The following GAS7 variants were observed in gnomAD, a reference collection of about 807,000 sequenced individuals.
GAS7 encodes the protein growth arrest specific 7.
Under a neutral mutation model 71.1 loss-of-function variants are expected in GAS7, and 28 were observed. The ratio of observed to expected loss-of-function variants is 0.39; its 90% CI spans 0.29 to 0.54. The LOEUF (loss-of-function observed/expected upper bound fraction) is 0.54, where lower values mean the gene tolerates loss of function less well. Ranked by LOEUF, GAS7 falls within the 20% of genes least tolerant of loss-of-function variation. The pLI is 0.62. For missense variants in GAS7, 436 were observed against 627.8 expected, an observed-to-expected ratio of 0.69 and a Z score of 3.27; for synonymous variants, 258 against 245.8, an observed-to-expected ratio of 1.05 and a Z score of -0.46.
intron 2 of GAS7, among the ~76,000 whole-genome samples, chr17:9,999,227 T>C (rs2071165031): frequency 6.6e-6 from 1 of 152,134 alleles, no homozygotes; most frequent in Admixed American, 6.5e-5. Context: ...GTGTATAAAT[T>C]ATGCTAAAGG....
rs761474483 is a variant in GAS7 at position 9,918,147 on chromosome 17, T to C, written c.1219-48A>G. Reference sequence around the variant, plus strand: ...AGAACTCTGAGCACGTCCCCTCCACTTGGGGGTCCCCCCACCAAGACCACA... The same window carrying C: ...AGAACTCTGAGCACGTCCCCTCCACCTGGGGGTCCCCCCACCAAGACCACA... On this transcript the variant is annotated intron_variant, in intron 12 of 13. Transcript: ENST00000432992. The C allele has an allele frequency of 1.4e-5, 19 of 1,378,778 alleles. No individual in the cohort carries two copies. In the Admixed American group the frequency reaches 3.3e-4, roughly 24 times the overall value. The allele number at this position is 1,378,778 out of a possible 1,614,324, so 85.4% of individuals were successfully genotyped here.
chr17:10,126,368 A>ACACACACG (rs2073947326), intron 1 of GAS7, among the ~76,000 whole-genome samples: 1 of 142,226 alleles, frequency 7.0e-6, no homozygotes, highest in Non-Finnish European at 1.6e-5. Context: ...ACACTCTTGC[A>ACACACACG]CACACACCCA....
chr17:10,009,338 T>TAAAAAAAAAAAAAAA (rs2071668704), intron 2 of GAS7, among the ~76,000 whole-genome samples: 1 of 107,042 alleles, frequency 9.3e-6, no homozygotes, highest in African/African-American at 4.3e-5. Flanking sequence ...AAAAAAAAAG[T>TAAAAAAAAAAAAAAA]GTTCTACTGG....
At chr17:9,957,302 G>A (rs1011611602) in intron 5 of GAS7, among the ~76,000 whole-genome samples, 6 of 152,202 alleles carry the variant, frequency 3.9e-5, no homozygotes, top group African/African-American at 1.4e-4. Context: ...ACTCCCTCAT[G>A]AGAAGCAATG....
At chr17:10,055,002 C>G (rs758175935) in intron 1 of GAS7, among the ~76,000 whole-genome samples, 1 of 152,184 alleles carries the variant, frequency 6.6e-6, no homozygotes, top group Non-Finnish European at 1.5e-5. Context: ...CGTAAGAAAG[C>G]TGAAACAGGT....
intron 5 of GAS7, among the ~76,000 whole-genome samples, chr17:9,954,296 G>C (rs1377980648): frequency 1.3e-5 from 2 of 152,152 alleles, no homozygotes; most frequent in African/African-American, 4.8e-5. Flanking sequence ...GGTCTTGCAG[G>C]GGTGCCAAGG....
At chr17:10,126,457 C>T (rs748539438) in intron 1 of GAS7, among the ~76,000 whole-genome samples, 3 of 151,614 alleles carry the variant, frequency 2.0e-5, no homozygotes, top group South Asian at 2.1e-4. Flanking sequence ...CGCGCGCACA[C>T]GCACTCATGC....
intron 1 of GAS7, among the ~76,000 whole-genome samples, chr17:10,127,210 AG>A (rs2073958304): frequency 6.6e-6 from 1 of 152,146 alleles, no homozygotes; most frequent in Admixed American, 6.5e-5. Flanking sequence ...CTGGACAGTG[AG>A]TTAACAGGAA....
chr17:10,092,067 G>A (rs1375097434), intron 1 of GAS7, among the ~76,000 whole-genome samples: 2 of 151,556 alleles, frequency 1.3e-5, no homozygotes, highest in African/African-American at 2.4e-5. Context: ...AGTCTCCCCC[G>A]TTTCTCCCCC....
intron 1 of GAS7, among the ~76,000 whole-genome samples, chr17:10,192,263 C>G (rs1262601635): frequency 2.0e-5 from 3 of 152,174 alleles, no homozygotes; most frequent in Non-Finnish European, 4.4e-5. Context: ...GAGAAATATA[C>G]TAATTTTGCA....
intron 1 of GAS7, among the ~76,000 whole-genome samples, chr17:10,056,946 C>T (rs1340443252): frequency 2.0e-5 from 3 of 152,052 alleles, no homozygotes; most frequent in Admixed American, 2.0e-4. Flanking sequence ...CGCGCCACCA[C>T]GCCTGACTGG....
intron 1 of GAS7, among the ~76,000 whole-genome samples, chr17:10,110,209 T>C (rs1451398816): frequency 6.6e-6 from 1 of 152,148 alleles, no homozygotes; most frequent in Non-Finnish European, 1.5e-5. Context: ...TGGAATTCTA[T>C]TCAGCATGAA....
chr17:10,089,494 C>G (rs776457587), intron 1 of GAS7, among the ~76,000 whole-genome samples: 1 of 148,812 alleles, frequency 6.7e-6, no homozygotes, highest in Non-Finnish European at 1.5e-5. Context: ...ATTCCTCCTA[C>G]GGGTTCAGAG....
intron 2 of GAS7, among the ~76,000 whole-genome samples, chr17:10,015,023 C>T (rs1016989126): frequency 6.6e-6 from 1 of 151,824 alleles, no homozygotes; most frequent in African/African-American, 2.4e-5. Context: ...GGTGTGGTGG[C>T]GCATGTCTGT....
chr17:10,171,668 C>A (rs1409188573), intron 1 of GAS7, among the ~76,000 whole-genome samples: 2 of 152,230 alleles, frequency 1.3e-5, no homozygotes. Context: ...GCCATAAAAA[C>A]CAGGCAGTCC....
chr17:10,180,843 C>T (rs536205190), intron 1 of GAS7, among the ~76,000 whole-genome samples: 4 of 152,024 alleles, frequency 2.6e-5, no homozygotes, highest in African/African-American at 7.2e-5. Flanking sequence ...TGGTATTCAT[C>T]GGCACCATGA....
intron 1 of GAS7, among the ~76,000 whole-genome samples, chr17:10,042,981 C>T (rs1233333963): frequency 6.6e-6 from 1 of 152,064 alleles, no homozygotes; most frequent in Non-Finnish European, 1.5e-5. Flanking sequence ...TCAAAGTGTT[C>T]GGTGGGGAGT....
chr17:10,177,263 A>G (rs1389572169), intron 1 of GAS7, among the ~76,000 whole-genome samples: 4 of 152,190 alleles, frequency 2.6e-5, no homozygotes. Context: ...GCCTCTAGAC[A>G]GAAGCTGCAG....
chr17:9,917,939 G>T, intron 13 of GAS7, 62 bp downstream of exon 13: 2 of 1,199,336 alleles, frequency 1.7e-6, no homozygotes, highest in Non-Finnish European at 2.4e-6. Flanking sequence ...CCACGGCCTA[G>T]CGCCAGGCGG....
Sources: gnomAD v4.1 joint callset for allele counts (sites outside exome capture counted in the v4.1 genomes callset) on GRCh38, gnomAD v4.1.1 for gene constraint, MANE v1.5 for transcripts, NCBI Gene and HGNC (gene_info 2026-07-23, HGNC 2026-07-21) for gene names.